The following HS3ST4 variants were observed in gnomAD, a reference collection of about 807,000 sequenced individuals.
The protein encoded by HS3ST4 is heparan sulfate glucosamine 3-O-sulfotransferase 4.
In HS3ST4, 17 loss-of-function variants were observed where a neutral mutation model predicts 29.2. The observed-to-expected ratio is 0.58, with a 90% CI of 0.40 to 0.87. The LOEUF (loss-of-function observed/expected upper bound fraction) is 0.87. HS3ST4 is among the 40% of genes least tolerant of loss of function. The pLI, the probability that HS3ST4 is intolerant of heterozygous loss-of-function variation, is 0.00. For synonymous variants in HS3ST4, 314 were observed against 285.7 expected (o/e 1.10, Z -1.00); for missense variants, 627 against 634.5 (o/e 0.99, Z 0.13).
chr16:25,992,186 G>T (rs1969120152), intron 1 of HS3ST4, among the ~76,000 whole-genome samples: 1 of 152,174 alleles, frequency 6.6e-6, no homozygotes. Context: ...AGATATTTAT[G>T]ACTACCCTTT....
chr16:25,825,665 G>T (rs1281933437), intron 1 of HS3ST4: 1 of 152,172 alleles, frequency 6.6e-6, no homozygotes, highest in Non-Finnish European at 1.5e-5. Flanking sequence ...CTGTGTGAAC[G>T]TAAGACTGCC....
At chr16:25,953,988 C>G (rs1163440423) in intron 1 of HS3ST4, among the ~76,000 whole-genome samples, 2 of 152,120 alleles carry the variant, frequency 1.3e-5, no homozygotes, top group African/African-American at 4.8e-5. Flanking sequence ...ACACCCAGCT[C>G]AGCAGAGAAA....
chr16:26,004,809 C>A (rs114171608), intron 1 of HS3ST4, among the ~76,000 whole-genome samples: 1,553 of 152,218 alleles, frequency 0.01, 18 homozygotes, highest in African/African-American at 0.035. Flanking sequence ...AAATTAAACA[C>A]CCATTTGAAG....
At chr16:26,090,043 G>A (rs1898836686) in intron 1 of HS3ST4, among the ~76,000 whole-genome samples, 1 of 151,974 alleles carries the variant, frequency 6.6e-6, no homozygotes, top group Admixed American at 6.6e-5. Context: ...TCTTAATAGG[G>A]CTTACATGAA....
At chr16:25,787,679 C>T (rs1418957100) in intron 1 of HS3ST4, among the ~76,000 whole-genome samples, 1 of 152,192 alleles carries the variant, frequency 6.6e-6, no homozygotes, top group South Asian at 2.1e-4. Context: ...AGGCTCACAC[C>T]TTTGTGGGGC....
intron 1 of HS3ST4, among the ~76,000 whole-genome samples, chr16:25,747,125 G>A (rs946117036): frequency 6.6e-6 from 1 of 151,922 alleles, no homozygotes; most frequent in African/African-American, 2.4e-5. Flanking sequence ...AAAGTGTTGG[G>A]ATGACAGGTG....
chr16:25,858,061 C>T (rs986066677), intron 1 of HS3ST4, among the ~76,000 whole-genome samples: 4 of 146,430 alleles, frequency 2.7e-5, no homozygotes, highest in Admixed American at 6.9e-5. Flanking sequence ...TTCTTTCTTT[C>T]GTTCTTTTTC....
At chr16:26,038,772 C>A (rs1169326645) in intron 1 of HS3ST4, among the ~76,000 whole-genome samples, 1 of 152,094 alleles carries the variant, frequency 6.6e-6, no homozygotes, top group Admixed American at 6.5e-5. Context: ...CAAGCTCCGC[C>A]TCCCGGGTTC....
intron 1 of HS3ST4, among the ~76,000 whole-genome samples, chr16:25,954,071 A>G (rs1026842409): frequency 4.6e-5 from 7 of 152,322 alleles, no homozygotes; most frequent in African/African-American, 1.7e-4. Flanking sequence ...TAGGGGATAT[A>G]GGAGAACTGG....
intron 1 of HS3ST4, among the ~76,000 whole-genome samples, chr16:25,726,305 C>T (rs1242941375): frequency 6.6e-6 from 1 of 151,690 alleles, no homozygotes; most frequent in Non-Finnish European, 1.5e-5. Context: ...GTACGAAACA[C>T]GTCCACACAC....
At chr16:25,783,757 A>G (rs554396925) in intron 1 of HS3ST4, among the ~76,000 whole-genome samples, 7 of 152,358 alleles carry the variant, frequency 4.6e-5, no homozygotes, top group East Asian at 3.9e-4. Flanking sequence ...TCACGATGCA[A>G]CCATCACCAC....
chr16:25,896,073 A>G (rs909447783), intron 1 of HS3ST4, among the ~76,000 whole-genome samples: 2 of 152,146 alleles, frequency 1.3e-5, no homozygotes, highest in African/African-American at 2.4e-5. Flanking sequence ...ACCCTTGACC[A>G]ACAGAATCTC....
intron 1 of HS3ST4, among the ~76,000 whole-genome samples, chr16:25,813,887 A>G (rs1293228352): frequency 1.3e-5 from 2 of 152,238 alleles, no homozygotes; most frequent in African/African-American, 2.4e-5. Flanking sequence ...GGAATATTCC[A>G]TTCACACAGT....
chr16:25,994,592 T>C (rs575865298), intron 1 of HS3ST4, among the ~76,000 whole-genome samples: 2 of 152,360 alleles, frequency 1.3e-5, no homozygotes, highest in East Asian at 3.9e-4. Context: ...TGTCTTTAAA[T>C]ATGTTATTTG....
At chr16:26,003,967 C>T (rs1223112308) in intron 1 of HS3ST4, among the ~76,000 whole-genome samples, 1 of 152,142 alleles carries the variant, frequency 6.6e-6, no homozygotes, top group Non-Finnish European at 1.5e-5. Flanking sequence ...ACTGTGAGCT[C>T]CTAATCCCAA....
intron 1 of HS3ST4, among the ~76,000 whole-genome samples, chr16:25,721,551 C>T (rs1966496170): frequency 6.6e-6 from 1 of 152,198 alleles, no homozygotes; most frequent in African/African-American, 2.4e-5. Context: ...AACATGTTTG[C>T]CTGCCCACAT....
At chr16:25,814,828 T>C (rs769588056) in intron 1 of HS3ST4, among the ~76,000 whole-genome samples, 2 of 152,242 alleles carry the variant, frequency 1.3e-5, no homozygotes, top group Non-Finnish European at 2.9e-5. Context: ...CAATGATTTC[T>C]GGTGTAATTG....
At chr16:25,983,918 G>A (rs1969035768) in intron 1 of HS3ST4, among the ~76,000 whole-genome samples, 2 of 151,658 alleles carry the variant, frequency 1.3e-5, no homozygotes, top group Non-Finnish European at 1.5e-5. Flanking sequence ...GTGTGTGTGT[G>A]TCTATTTCAG....
intron 1 of HS3ST4, among the ~76,000 whole-genome samples, chr16:25,843,666 A>C: frequency 6.6e-6 from 1 of 152,190 alleles, no homozygotes; most frequent in Non-Finnish European, 1.5e-5. Flanking sequence ...TTGGAAATGA[A>C]TGTGGTGGGG....
Sources: allele counts gnomAD v4.1 joint callset (sites outside exome capture counted in the v4.1 genomes callset), GRCh38; gene constraint gnomAD v4.1.1; transcripts MANE v1.5; gene names NCBI Gene and HGNC (gene_info 2026-07-23, HGNC 2026-07-21).